NELL1: variants seen among roughly 807,000 people sequenced by gnomAD.
NELL1 encodes neural EGFL like 1, also known as protein kinase C-binding protein NELL1.
A neutral mutation model predicts 107.4 loss-of-function variants in NELL1; 76 were observed. The observed-to-expected ratio is 0.71, with a 90% CI of 0.59 to 0.86. NELL1 has a LOEUF of 0.86. Among genes scored for constraint, NELL1 ranks in the 40% least tolerant of loss-of-function variants. NELL1 has a pLI of 0.00. For missense variants in NELL1, 1,024 were observed against 1,005.5 expected, an observed-to-expected ratio of 1.02 and a Z score of -0.25; for synonymous variants, 353 against 341.2, an observed-to-expected ratio of 1.03 and a Z score of -0.38.
In NELL1 at chr11:20,743,352, TA is replaced by T. The variant is rs984851074; in HGVS notation, c.185-40317del. Reference sequence around the variant, plus strand: ...TGTGTGATAGAGTGAGACTCTGTCTTAAAAAAAAAAATCCAGTGACTCTGAA... The same window carrying T: ...TGTGTGATAGAGTGAGACTCTGTCTTAAAAAAAAAATCCAGTGACTCTGAA... On this transcript the variant is annotated intron_variant, in intron 2 of 19. Coordinates refer to ENST00000357134, the MANE Select transcript of NELL1 (RefSeq NM_006157.5). Among the ~76,000 whole-genome samples, 724 of 146,752 alleles carry T rather than the reference TA, an allele frequency of 4.9e-3. 1 individual carries two copies. The highest frequency in any genetic ancestry group is 0.016 in the African/African-American group (648 of 40,158).
At chr11:20,982,585 T>C (rs1425440784) in intron 12 of NELL1, among the ~76,000 whole-genome samples, 1 of 152,214 alleles carries the variant, frequency 6.6e-6, no homozygotes, top group Non-Finnish European at 1.5e-5. Context: ...TAGTGAGATA[T>C]AGGATGTTAT....
At chr11:21,165,047 A>G (rs941604564) in intron 13 of NELL1, among the ~76,000 whole-genome samples, 4 of 152,182 alleles carry the variant, frequency 2.6e-5, no homozygotes, top group African/African-American at 9.7e-5. Context: ...TGTAGATAAA[A>G]CACGTCTAAT....
In NELL1 at chr11:21,401,965, A is replaced by T. The variant is rs983991518; in HGVS notation, c.1645+31017A>T. Among the ~76,000 whole-genome samples the T allele has an allele frequency of 2.0e-5, 3 of 151,668 alleles. 1 individual carries two copies. The highest frequency in any genetic ancestry group is 4.4e-5 in the Non-Finnish European group (3 of 67,902). ...GAGAATATTTTTAAATACAGTTTCC[A>T]CCCCTCTCCTTTGATTTAATTTATT... On this transcript the variant is annotated intron_variant, in intron 15 of 19. Coordinates refer to ENST00000357134, the MANE Select transcript of NELL1 (RefSeq NM_006157.5).
intron 13 of NELL1, among the ~76,000 whole-genome samples, chr11:21,148,885 G>C (rs1350142558): frequency 6.6e-6 from 1 of 152,128 alleles, no homozygotes; most frequent in African/African-American, 2.4e-5. Context: ...GGGCCACATT[G>C]TGGTCCTGGA....
intron 4 of NELL1, among the ~76,000 whole-genome samples, chr11:20,859,465 A>C (rs935162526): frequency 3.3e-5 from 5 of 150,958 alleles, no homozygotes; most frequent in African/African-American, 1.2e-4. Flanking sequence ...CTGATGTGTA[A>C]TGGCCAGGGA....
At chr11:21,085,641 A>G (rs557439631) in intron 12 of NELL1, among the ~76,000 whole-genome samples, 58 of 152,210 alleles carry the variant, frequency 3.8e-4, no homozygotes, top group African/African-American at 1.2e-3. Flanking sequence ...AAAAAAAACC[A>G]AAAAACAAAA....
chr11:21,493,344 T>C (rs866355223), intron 15 of NELL1, among the ~76,000 whole-genome samples: 7 of 152,114 alleles, frequency 4.6e-5, no homozygotes, highest in Middle Eastern at 3.2e-3. Context: ...TAAGTGTCCA[T>C]TGACAGACAA....
Position 21,575,133 on chromosome 11 carries a change from A to C in NELL1, c.*111A>C. 1.0e-6 allele frequency: 1 copy of C among 979,412 alleles called. No individual in the cohort carries two copies. The highest frequency in any genetic ancestry group is 1.6e-6 in the Non-Finnish European group (1 of 629,590). The allele number at this position is 979,412 out of a possible 1,614,324, so 60.7% of individuals were successfully genotyped here. On this transcript the variant is annotated 3_prime_UTR_variant, in exon 20 of 20. Coordinates refer to ENST00000357134, the MANE Select transcript of NELL1 (RefSeq NM_006157.5). Reference sequence around the variant, plus strand: ...TTGTTTGTTTTGTTTTTTTAACCACAGATAATTGCCAAAGTTTCCACCTGA... The same window carrying C: ...TTGTTTGTTTTGTTTTTTTAACCACCGATAATTGCCAAAGTTTCCACCTGA...
At chr11:20,694,751 T>G (rs1854569760) in intron 2 of NELL1, among the ~76,000 whole-genome samples, 1 of 152,130 alleles carries the variant, frequency 6.6e-6, no homozygotes, top group Admixed American at 6.6e-5. Flanking sequence ...TCTTTCTGCT[T>G]AAGATTGTTT....
At position 21,370,948 on chromosome 11, in the gene NELL1, G is replaced by C; in HGVS notation, c.1645G>C (p.Asp549His). ...ATTCACAGGAAGCCACTGCGAGAAA[G>C]GTAATCTAGCTTGTTTTATGGGGGA... The part of the protein sequence containing the change: ...SGFTGSHCEK[D>H]IDECSEGIIE... The change falls in exon 15 of 20, where the codon GAT becomes CAT. Residue 549 changes from aspartate (D) to histidine (H), a missense_variant and splice_region_variant. Physicochemically the swap from Asp to His is moderately conservative, Grantham distance 81. Transcript: ENST00000357134. 1.2e-6 allele frequency: 2 copies of C among 1,608,112 alleles called. No homozygotes were observed. The highest frequency in any genetic ancestry group is 1.7e-6 in the Non-Finnish European group (2 of 1,176,698).
intron 11 of NELL1, among the ~76,000 whole-genome samples, chr11:20,955,094 C>T (rs996136769): frequency 6.6e-6 from 1 of 152,190 alleles, no homozygotes; most frequent in Non-Finnish European, 1.5e-5. Flanking sequence ...GAAGTCCAGG[C>T]TCCTCCTCTG....
At chr11:21,549,243 AATTAG>A (rs1481404091) in intron 16 of NELL1, among the ~76,000 whole-genome samples, 1 of 151,866 alleles carries the variant, frequency 6.6e-6, no homozygotes, top group Non-Finnish European at 1.5e-5. Flanking sequence ...TGCAAGGACA[AATTAG>A]ATCATGAGTT....
chr11:20,676,109 T>C (rs1854049313), intron 1 of NELL1, among the ~76,000 whole-genome samples: 2 of 152,166 alleles, frequency 1.3e-5, no homozygotes, highest in East Asian at 1.9e-4. Context: ...TAGCCTTTTT[T>C]CTGTTCTTAG....
intron 2 of NELL1, among the ~76,000 whole-genome samples, chr11:20,678,897 G>A (rs1056358547): frequency 1.3e-5 from 2 of 152,156 alleles, no homozygotes; most frequent in African/African-American, 2.4e-5. Flanking sequence ...ATTCAAATCA[G>A]CAAAGTGATA....
chr11:21,532,253 A>G (rs866664584), intron 15 of NELL1, among the ~76,000 whole-genome samples: 4 of 152,186 alleles, frequency 2.6e-5, no homozygotes, highest in Middle Eastern at 3.2e-3. Context: ...GATTGTCTTC[A>G]CTGCTTTTGA....
At chr11:20,990,601 A>C (rs1851951546) in intron 12 of NELL1, among the ~76,000 whole-genome samples, 1 of 152,202 alleles carries the variant, frequency 6.6e-6, no homozygotes, top group South Asian at 2.1e-4. Context: ...GAGGAATGGC[A>C]TCTCAGCCTG....
chr11:21,060,054 G>T (rs1853702650), intron 12 of NELL1, among the ~76,000 whole-genome samples: 1 of 152,124 alleles, frequency 6.6e-6, no homozygotes, highest in South Asian at 2.1e-4. Flanking sequence ...GAACCACATG[G>T]GGTTAGGCAC....
At chr11:21,529,962 T>C (rs961360589) in intron 15 of NELL1, among the ~76,000 whole-genome samples, 4 of 152,200 alleles carry the variant, frequency 2.6e-5, no homozygotes, top group Non-Finnish European at 4.4e-5. Flanking sequence ...CTCTAAAGTC[T>C]ATATTTATAA....
intron 12 of NELL1, among the ~76,000 whole-genome samples, chr11:20,962,218 A>G (rs1474543443): frequency 2.0e-5 from 3 of 152,058 alleles, no homozygotes; most frequent in Non-Finnish European, 2.9e-5. Context: ...ATCAATTTCA[A>G]TACTTCATAT....
Sources: allele counts gnomAD v4.1 joint callset (sites outside exome capture counted in the v4.1 genomes callset), GRCh38; gene constraint gnomAD v4.1.1; transcripts MANE v1.5; gene names NCBI Gene and HGNC (gene_info 2026-07-23, HGNC 2026-07-21).